UNC119: variants seen among roughly 807,000 people sequenced by gnomAD.
UNC119 encodes protein unc-119 homolog A.
A neutral mutation model predicts 22.6 loss-of-function variants in UNC119; 15 were observed. The observed-to-expected ratio is 0.66, with a 90% CI of 0.44 to 1.02. UNC119 has a LOEUF of 1.02. UNC119 is among the 50% of genes least tolerant of loss of function. The pLI is 0.00. For synonymous variants in UNC119, 138 were observed against 139.4 expected (o/e 0.99, Z 0.07); for missense variants, 322 against 336.0 (o/e 0.96, Z 0.33).
intron 1 of UNC119, chr17:28,549,620 C>T (rs1279143456): frequency 6.5e-6 from 1 of 152,924 alleles, no homozygotes; most frequent in Non-Finnish European, 1.5e-5. Flanking sequence ...AGAAAGTAGT[C>T]CTGGACCCCC....
chr17:28,551,546 T>A (rs2070269806), intron 1 of UNC119: 1 of 152,574 alleles, frequency 6.6e-6, no homozygotes, highest in Non-Finnish European at 1.5e-5. Context: ...ACAATAATCT[T>A]ACGAGAAAGG....
intron 1 of UNC119, 35 bp downstream of exon 1, chr17:28,552,303 C>T: frequency 6.6e-7 from 1 of 1,526,702 alleles, no homozygotes; most frequent in Non-Finnish European, 8.8e-7. Flanking sequence ...TCTCCCCTTC[C>T]CACCCGCGGG....
intron 1 of UNC119, chr17:28,550,837 G>A (rs959057512): frequency 6.6e-6 from 1 of 152,238 alleles, no homozygotes; most frequent in Non-Finnish European, 1.5e-5. Context: ...TACATGAGCT[G>A]GAAGCTCCCT....
rs771465346 is a variant in UNC119, at chr17:28,552,569, G to A, written c.-12C>T. 6.0e-6 allele frequency: 9 copies of A among 1,497,534 alleles called. No individual in the cohort carries two copies. The highest frequency in any genetic ancestry group is 5.0e-5 in the South Asian group (4 of 80,182). The allele number at this position is 1,497,534 out of a possible 1,614,324, so 92.8% of individuals were successfully genotyped here. ...TTCTTCACCTTCATGGCCTTGCGGGGCCGAGGCTCGCCTGCTGCTGCCGCC... is the reference window on the plus strand; with the variant it reads ...TTCTTCACCTTCATGGCCTTGCGGGACCGAGGCTCGCCTGCTGCTGCCGCC... On this transcript the variant is annotated 5_prime_UTR_variant, in exon 1 of 5. Coordinates refer to ENST00000335765, the MANE Select transcript of UNC119 (RefSeq NM_005148.4).
rs369443469 is a variant in UNC119, at chr17:28,547,879, C to T, written c.438-30G>A. 7.4e-6 allele frequency: 12 copies of T among 1,613,528 alleles called. No individual in the cohort carries two copies. In the African/African-American group the frequency reaches 1.1e-4, roughly 14 times the overall value. On this transcript the variant is annotated intron_variant, in intron 3 of 4. Coordinates refer to ENST00000335765, the MANE Select transcript of UNC119 (RefSeq NM_005148.4). Reference sequence around the variant, plus strand: ...GCAAGAAAAGGAGGCAGGGCTAAGTCTGTCCTTGAAGTCAACTAGCCAGCC... The same window carrying T: ...GCAAGAAAAGGAGGCAGGGCTAAGTTTGTCCTTGAAGTCAACTAGCCAGCC...
Position 28,552,327 on chromosome 17 carries a change from C to T in UNC119, c.220+11G>A, listed in dbSNP as rs991345964. The T allele has an allele frequency of 5.9e-6, 9 of 1,532,354 alleles. No individual in the cohort carries two copies. Among genetic ancestry groups the T allele is most frequent in the Non-Finnish European group, 7.9e-6 (9 of 1,145,314 alleles). 94.9% of individuals were successfully genotyped at this position (1,532,354 alleles called of 1,614,324 possible). A position where few individuals can be genotyped will look rare whatever the true frequency, so the allele number is the denominator to read the frequency against. On this transcript the variant is annotated intron_variant, in intron 1 of 4. Coordinates refer to ENST00000335765, the MANE Select transcript of UNC119 (RefSeq NM_005148.4). The stretch of plus-strand genomic sequence containing the variant: ...CCCACCCGCGGGCGGCGCTCCCTCG[C>T]GGGTGCTCACCACCGGTGATCCGCT...
At chr17:28,547,650 C>A in intron 4 of UNC119, 27 bp downstream of exon 4, 1 of 1,614,198 alleles carries the variant, frequency 6.2e-7, no homozygotes, top group Non-Finnish European at 8.5e-7. Context: ...CCCACTTCCC[C>A]ACTCCCAGAA....
intron 1 of UNC119, 133 bp from the exon 2 acceptor site, chr17:28,548,838 G>T (rs936055362): frequency 1.5e-6 from 1 of 686,714 alleles, no homozygotes; most frequent in Non-Finnish European, 2.5e-6. Flanking sequence ...AGGGACCTCA[G>T]TCCCTGCCCT....
chr17:28,551,308 G>T (rs1466737740), intron 1 of UNC119: 2 of 152,114 alleles, frequency 1.3e-5, no homozygotes, highest in Non-Finnish European at 2.9e-5. Context: ...GTCTCTCCAT[G>T]CACCTTTCAT....
chr17:28,547,627 G>A (rs761514696), intron 4 of UNC119, 50 bp downstream of exon 4: 58 of 1,613,880 alleles, frequency 3.6e-5, no homozygotes, highest in Non-Finnish European at 4.8e-5. Context: ...CCGCAGCTCA[G>A]TCTCTAGACG....
In UNC119 at chr17:28,547,341, C is replaced by A; in HGVS notation, c.679G>T (p.Val227Leu). ...GAATAGTCTGCTTTATTGTGCATCACCAGCCGGTCATCCACGAAGTAGAAG... is the reference window on the plus strand; with the variant it reads ...GAATAGTCTGCTTTATTGTGCATCAACAGCCGGTCATCCACGAAGTAGAAG... ...DSFYFVDDRL[V>L]MHNKADYSYS... Residue 227 changes from valine (V) to leucine (L), a missense_variant, in exon 5 of 5, where the codon GTG (valine) becomes TTG (leucine). Coordinates refer to ENST00000335765, the MANE Select transcript of UNC119 (RefSeq NM_005148.4). The A allele has an allele frequency of 1.2e-6, 2 of 1,614,174 alleles. No individual in the cohort carries two copies. The highest frequency in any genetic ancestry group is 1.7e-6 in the Non-Finnish European group (2 of 1,180,014).
At chr17:28,552,040 T>C in intron 1 of UNC119, 1 of 603,918 alleles carries the variant, frequency 1.7e-6, no homozygotes. Context: ...TACAGGGCTA[T>C]GGTTGCAGCT....
intron 1 of UNC119, chr17:28,551,027 T>C (rs2070263302): frequency 1.3e-5 from 2 of 152,268 alleles, no homozygotes; most frequent in African/African-American, 2.4e-5. Context: ...GGGAGCTCAG[T>C]ACTCTGGGGG....
At chr17:28,552,226 G>C in intron 1 of UNC119, 112 bp downstream of exon 1, 1 of 1,013,128 alleles carries the variant, frequency 9.9e-7, no homozygotes, top group South Asian at 1.6e-5. Context: ...GGGACTCGGT[G>C]GGGGAGGGGA....
chr17:28,548,548 G>T, intron 2 of UNC119, 44 bp downstream of exon 2: 1 of 1,540,318 alleles, frequency 6.5e-7, no homozygotes, highest in Non-Finnish European at 9.0e-7. Context: ...CCACTCCGCA[G>T]CTCCTATCTG....
Position 28,552,416 on chromosome 17 carries a change from C to T in UNC119, c.142G>A (p.Gly48Arg), listed in dbSNP as rs1051939683. 1.3e-6 allele frequency: 2 copies of T among 1,557,446 alleles called. No homozygotes were observed. Among genetic ancestry groups the T allele is most frequent in the Non-Finnish European group, 1.7e-6 (2 of 1,159,886 alleles). ...GSESEPDAGP[G>R]PRPGPLQRKQ... The stretch of plus-strand genomic sequence containing the variant: ...CTCTGCAGCGGCCCCGGCCTGGGCC[C>T]TGGGCCTGCGTCCGGCTCCGACTCG... Residue 48 changes from glycine (G) to arginine (R), a missense_variant, in exon 1 of 5, where the codon GGG becomes AGG. Transcript: ENST00000335765.
Position 28,548,709 on chromosome 17 carries a change from G to A in UNC119, c.221-4C>T. ...TCCTCAGGGGAGCAGAGGTAGTCTA[G>A]GGGAAACAGGCAGCTGAGCAAGGAA... is the stretch of plus-strand genomic sequence containing the variant. On this transcript the variant is annotated splice_polypyrimidine_tract_variant and splice_region_variant and intron_variant, in intron 1 of 4. Transcript: ENST00000335765. The A allele has an allele frequency of 6.2e-7, 1 of 1,612,584 alleles. No individual in the cohort carries two copies.
chr17:28,547,012 T>A lies in UNC119; in HGVS notation c.*285A>T. 2.4e-6 allele frequency: 1 copy of A among 419,132 alleles called. No homozygotes were observed. Among genetic ancestry groups the A allele is most frequent in the Non-Finnish European group, 4.5e-6 (1 of 221,510 alleles). 26.0% of individuals were successfully genotyped at this position (419,132 alleles called of 1,614,324 possible). A position where few individuals can be genotyped will look rare whatever the true frequency, so the allele number is the denominator to read the frequency against. ...CACTATTCTGAAACTTGGGCCCAAG[T>A]AGGGCCCAGCTAAGTTGTCCGGAAG... is the stretch of plus-strand genomic sequence containing the variant. On this transcript the variant is annotated 3_prime_UTR_variant, in exon 5 of 5. Transcript: ENST00000335765.
intron 1 of UNC119, chr17:28,551,698 A>G: frequency 6.4e-6 from 1 of 156,960 alleles, no homozygotes. Flanking sequence ...CACAGTGGAG[A>G]CCAAGCCTCC....
Sources: gnomAD v4.1 joint callset for allele counts on GRCh38, gnomAD v4.1.1 for gene constraint, MANE v1.5 for transcripts, NCBI Gene and HGNC (gene_info 2026-07-23, HGNC 2026-07-21) for gene names.